The following PLD1 variants were observed in gnomAD, a reference collection of about 807,000 sequenced individuals.
The protein encoded by PLD1 is phospholipase D1.
Under a neutral mutation model 137.1 loss-of-function variants are expected in PLD1, and 112 were observed. The observed-to-expected ratio is 0.82, with a 90% confidence interval of 0.70 to 0.96. The LOEUF is 0.96. Ranked by LOEUF, PLD1 falls within the 40% of genes least tolerant of loss-of-function variation. The probability of loss-of-function intolerance (pLI) is 0.00; values close to 1 mark genes in which losing one functional copy is unlikely to be tolerated. For missense variants in PLD1, 1,321 were observed against 1,342.0 expected, an observed-to-expected ratio of 0.98 and a Z score of 0.24; for synonymous variants, 431 against 454.7, an observed-to-expected ratio of 0.95 and a Z score of 0.66.
chr3:171,770,545 T>C (rs1246510527), intron 1 of PLD1, among the ~76,000 whole-genome samples: 2 of 152,122 alleles, frequency 1.3e-5, no homozygotes, highest in African/African-American at 2.4e-5. Flanking sequence ...ATCATATTTA[T>C]ACCTAGAAGG....
chr3:171,798,353 A>G (rs981030132), intron 1 of PLD1, among the ~76,000 whole-genome samples: 1 of 152,250 alleles, frequency 6.6e-6, no homozygotes, highest in African/African-American at 2.4e-5. Context: ...CATCGAACAT[A>G]TGACCAATTT....
chr3:171,764,453 G>A (rs1560287485), intron 1 of PLD1, among the ~76,000 whole-genome samples: 1 of 152,138 alleles, frequency 6.6e-6, no homozygotes, highest in Non-Finnish European at 1.5e-5. Context: ...TCTTAGAGAA[G>A]TCATGTAATT....
intron 6 of PLD1, among the ~76,000 whole-genome samples, chr3:171,732,531 G>A (rs1027850011): frequency 2.6e-5 from 4 of 152,306 alleles, no homozygotes; most frequent in South Asian, 2.1e-4. Flanking sequence ...TGAGAAACTC[G>A]CAGAGCCAAA....
At chr3:171,764,974 GAAA>G (rs760520938) in intron 1 of PLD1, among the ~76,000 whole-genome samples, 5 of 64,486 alleles carry the variant, frequency 7.8e-5, no homozygotes, top group Non-Finnish European at 1.2e-4. Flanking sequence ...AAGAAAGAAA[GAAA>G]GAAAGAAAGA....
At chr3:171,789,506 C>T (rs1439599142) in intron 1 of PLD1, 1 of 152,110 alleles carries the variant, frequency 6.6e-6, no homozygotes, top group Non-Finnish European at 1.5e-5. Flanking sequence ...AGATAAGAGC[C>T]CCTTTGGGCA....
intron 8 of PLD1, among the ~76,000 whole-genome samples, chr3:171,714,769 T>C (rs780514582): frequency 6.6e-6 from 1 of 152,214 alleles, no homozygotes; most frequent in Non-Finnish European, 1.5e-5. Context: ...TTTTAATACA[T>C]AAGTTATCTC....
rs558593334 is a variant in PLD1, at chr3:171,684,788, C to T, written c.1867+1897G>A. Among the ~76,000 whole-genome samples, 8 of 152,214 alleles carry T rather than the reference C, an allele frequency of 5.3e-5. No homozygotes were observed. In the East Asian group the frequency reaches 5.8e-4, roughly 11 times the overall value. ...TTTTTGTAGAGAGGGGGTTTCACTGCGTTGCCGAAGATGGTCTTGAATTCC... is the reference window on the plus strand; with the variant it reads ...TTTTTGTAGAGAGGGGGTTTCACTGTGTTGCCGAAGATGGTCTTGAATTCC... On this transcript the variant is annotated intron_variant, in intron 16 of 26. Transcript: ENST00000351298.
At chr3:171,776,779 A>T (rs552738995) in intron 1 of PLD1, among the ~76,000 whole-genome samples, 2 of 152,306 alleles carry the variant, frequency 1.3e-5, no homozygotes, top group Admixed American at 1.3e-4. Context: ...ATTACTACAA[A>T]TTGCTCTGAA....
intron 1 of PLD1, among the ~76,000 whole-genome samples, chr3:171,785,226 G>A (rs188407748): frequency 2.6e-5 from 4 of 152,214 alleles, no homozygotes; most frequent in East Asian, 3.9e-4. Flanking sequence ...TCTCTATTCC[G>A]ACCGAATACG....
At chr3:171,720,414 C>T (rs1177248865) in intron 8 of PLD1, among the ~76,000 whole-genome samples, 1 of 151,736 alleles carries the variant, frequency 6.6e-6, no homozygotes, top group Non-Finnish European at 1.5e-5. Context: ...AACCCCGTCT[C>T]TACTAAAAAT....
chr3:171,640,480 T>C (rs1000024940), intron 23 of PLD1, among the ~76,000 whole-genome samples: 1 of 152,316 alleles, frequency 6.6e-6, no homozygotes, highest in East Asian at 1.9e-4. Flanking sequence ...TCCCAACATT[T>C]CCTTTTGTTA....
intron 16 of PLD1, among the ~76,000 whole-genome samples, chr3:171,685,762 A>C (rs993296689): frequency 1.3e-5 from 2 of 152,156 alleles, no homozygotes; most frequent in Non-Finnish European, 2.9e-5. Flanking sequence ...TTCTTACCAA[A>C]GGCTATCAGA....
At chr3:171,674,683 A>G (rs2108474202) in intron 18 of PLD1, 70 bp from the exon 19 acceptor site, 1 of 929,766 alleles carries the variant, frequency 1.1e-6, no homozygotes. Context: ...TTGTGATTAT[A>G]AAAGAAATTC....
chr3:171,613,193 T>C (rs553028956), intron 24 of PLD1, among the ~76,000 whole-genome samples: 1 of 152,194 alleles, frequency 6.6e-6, no homozygotes, highest in African/African-American at 2.4e-5. Flanking sequence ...AAAATAACAA[T>C]TAAAAAAGAA....
intron 9 of PLD1, among the ~76,000 whole-genome samples, chr3:171,711,329 C>A (rs1424930550): frequency 6.6e-6 from 1 of 151,738 alleles, no homozygotes; most frequent in African/African-American, 2.4e-5. Context: ...CACCATCATG[C>A]CTGGCTAATT....
chr3:171,749,859 T>C (rs759762660), intron 1 of PLD1, among the ~76,000 whole-genome samples: 2 of 152,208 alleles, frequency 1.3e-5, no homozygotes, highest in Non-Finnish European at 2.9e-5. Context: ...TACATTCCAA[T>C]GCAACTCAGC....
chr3:171,726,503 T>C (rs1328709096), intron 6 of PLD1, among the ~76,000 whole-genome samples: 2 of 151,924 alleles, frequency 1.3e-5, no homozygotes, highest in Non-Finnish European at 2.9e-5. Context: ...GCCCACAGTG[T>C]GAAATGGGAG....
At chr3:171,764,887 GAAA>G (rs1560288564) in intron 1 of PLD1, among the ~76,000 whole-genome samples, 417 of 22,382 alleles carry the variant, frequency 0.019, 21 homozygotes, top group East Asian at 0.023. Flanking sequence ...AAGAAAGAAA[GAAA>G]GAAAGGAAGG....
At chr3:171,739,123 C>T (rs1719590612) in intron 1 of PLD1, among the ~76,000 whole-genome samples, 1 of 152,170 alleles carries the variant, frequency 6.6e-6, no homozygotes, top group Admixed American at 6.5e-5. Context: ...GAAAATGAGG[C>T]ATCTAACCCA....
Sources: allele counts gnomAD v4.1 joint callset (sites outside exome capture counted in the v4.1 genomes callset), GRCh38; gene constraint gnomAD v4.1.1; transcripts MANE v1.5; gene names NCBI Gene and HGNC (gene_info 2026-07-23, HGNC 2026-07-21).